CCDC171: variants seen among roughly 807,000 people sequenced by gnomAD.
CCDC171 encodes coiled-coil domain-containing protein 171.
A neutral mutation model predicts 168.2 loss-of-function variants in CCDC171; 177 were observed. That is an observed-to-expected ratio of 1.05 (90% CI 0.93 to 1.19). The LOEUF (loss-of-function observed/expected upper bound fraction) is 1.19, where lower values mean the gene tolerates loss of function less well. CCDC171 is among the 50% of genes most tolerant of loss of function. The pLI is 0.00. For synonymous variants in CCDC171, 687 were observed against 540.8 expected (o/e 1.27, Z -3.75); for missense variants, 1,991 against 1,539.0 (o/e 1.29, Z -4.91).
In CCDC171 at chr9:15,693,607, G is replaced by T. The variant is rs573797905; in HGVS notation, c.1216-1628G>T. Among the ~76,000 whole-genome samples, 10 of 152,294 alleles carry T rather than the reference G, an allele frequency of 6.6e-5. No individual in the cohort carries two copies. The South Asian group carries it at 1.9e-3, about 28-fold the overall frequency. The stretch of plus-strand genomic sequence containing the variant: ...GCTGAGATGAATGTGATAGAGAGTT[G>T]ATATAGTCAGGGAGGTAAAGAACAG... On this transcript the variant is annotated intron_variant, in intron 10 of 25. Coordinates refer to ENST00000380701, the MANE Select transcript of CCDC171 (RefSeq NM_173550.4).
intron 21 of CCDC171, among the ~76,000 whole-genome samples, chr9:15,785,244 T>A (rs2057880743): frequency 6.6e-6 from 1 of 152,172 alleles, no homozygotes; most frequent in Non-Finnish European, 1.5e-5. Context: ...ATTAATGGGT[T>A]TAAATGTTGC....
chr9:15,692,807 G>A (rs1025967657), intron 10 of CCDC171, among the ~76,000 whole-genome samples: 5 of 150,850 alleles, frequency 3.3e-5, no homozygotes, highest in African/African-American at 1.2e-4. Context: ...GATTACAGGC[G>A]TGAGCCACAG....
At chr9:15,797,085 G>T (rs1333232629) in intron 21 of CCDC171, among the ~76,000 whole-genome samples, 2 of 152,140 alleles carry the variant, frequency 1.3e-5, no homozygotes, top group African/African-American at 4.8e-5. Flanking sequence ...GTTATAATGG[G>T]TGTATATGGT....
intron 25 of CCDC171, among the ~76,000 whole-genome samples, chr9:15,963,717 C>T (rs970156968): frequency 3.3e-5 from 5 of 152,112 alleles, no homozygotes; most frequent in African/African-American, 9.7e-5. Flanking sequence ...TTATACTACT[C>T]TCTCCCCCAA....
chr9:15,717,046 A>G (rs2134121712), intron 11 of CCDC171, among the ~76,000 whole-genome samples: 1 of 152,362 alleles, frequency 6.6e-6, no homozygotes, highest in East Asian at 1.9e-4. Flanking sequence ...GAGCAGTCAC[A>G]GTACCTGTTT....
downstream of CCDC171, among the ~76,000 whole-genome samples, chr9:16,064,829 G>A (rs1248436910): frequency 6.6e-6 from 1 of 152,202 alleles, no homozygotes; most frequent in Non-Finnish European, 1.5e-5. Flanking sequence ...CTTTACGGCT[G>A]GGTCTAAGGT....
chr9:15,855,137 T>A (rs2061299720), intron 23 of CCDC171, among the ~76,000 whole-genome samples: 1 of 151,774 alleles, frequency 6.6e-6, no homozygotes, highest in South Asian at 2.1e-4. Context: ...GATTGTCTTT[T>A]GTCTGGGTGT....
At chr9:15,811,562 C>T (rs1469683506) in intron 21 of CCDC171, among the ~76,000 whole-genome samples, 1 of 152,146 alleles carries the variant, frequency 6.6e-6, no homozygotes, top group East Asian at 1.9e-4. Context: ...ATGAAAGCTG[C>T]ATATGCAATG....
At position 15,953,887 on chromosome 9, in the gene CCDC171, TGTTA is replaced by T. The variant is rs1296677863; in HGVS notation, c.3754-17715_3754-17712del. Among the ~76,000 whole-genome samples, 25 of 152,144 alleles carry T rather than the reference TGTTA, an allele frequency of 1.6e-4. No homozygotes were observed. The East Asian group carries it at 2.9e-3, about 18-fold the overall frequency. On this transcript the variant is annotated intron_variant, in intron 25 of 25. Coordinates refer to ENST00000380701, the MANE Select transcript of CCDC171 (RefSeq NM_173550.4). Reference sequence around the variant, plus strand: ...ATCTTTTCCTTTTTTTTAACTAATTTGTTAGTTAGTCCTGGTAGGTTTTATGTTT... The same window carrying T: ...ATCTTTTCCTTTTTTTTAACTAATTTGTTAGTCCTGGTAGGTTTTATGTTT...
At chr9:15,936,997 A>T (rs985735535) in intron 25 of CCDC171, among the ~76,000 whole-genome samples, 1 of 152,066 alleles carries the variant, frequency 6.6e-6, no homozygotes, top group African/African-American at 2.4e-5. Flanking sequence ...CATTAAAGGG[A>T]TAGTTAACTT....
intron 21 of CCDC171, among the ~76,000 whole-genome samples, chr9:15,799,165 T>TATATAC (rs1323969229): frequency 3.5e-5 from 5 of 141,172 alleles, no homozygotes; most frequent in African/African-American, 1.3e-4. Context: ...TATATATATA[T>TATATAC]ACCATTTTGA....
At chr9:15,925,959 A>C (rs548035568) in intron 25 of CCDC171, among the ~76,000 whole-genome samples, 2 of 151,654 alleles carry the variant, frequency 1.3e-5, no homozygotes, top group African/African-American at 4.8e-5. Context: ...TTAAGTGGAC[A>C]TTATTTGAGG....
chr9:15,558,077 A>G (rs1371972481), intron 1 of CCDC171, among the ~76,000 whole-genome samples: 1 of 152,156 alleles, frequency 6.6e-6, no homozygotes, highest in East Asian at 1.9e-4. Flanking sequence ...CTTCCATCCC[A>G]GGGATGAAGC....
chr9:15,566,717 G>A (rs1044779340), intron 2 of CCDC171, among the ~76,000 whole-genome samples: 2 of 152,118 alleles, frequency 1.3e-5, no homozygotes, highest in African/African-American at 4.8e-5. Flanking sequence ...TAGGAGTTGT[G>A]CTTTTGGTTT....
chr9:15,982,382 A>G (rs1376962202), intron 3 of CCDC171, among the ~76,000 whole-genome samples: 1 of 152,122 alleles, frequency 6.6e-6, no homozygotes, highest in Non-Finnish European at 1.5e-5. Context: ...GAGGGAGATA[A>G]TGATACCTTC....
chr9:16,098,319 A>T, the CCDC171 span, among the ~76,000 whole-genome samples: 1 of 152,204 alleles, frequency 6.6e-6, no homozygotes, highest in Non-Finnish European at 1.5e-5. Context: ...GGTCAAAACA[A>T]ATGGTCTCTA....
At chr9:15,741,914 G>A (rs1021008854) in intron 16 of CCDC171, among the ~76,000 whole-genome samples, 2 of 152,158 alleles carry the variant, frequency 1.3e-5, no homozygotes, top group Non-Finnish European at 2.9e-5. Flanking sequence ...AGGATACAGT[G>A]TCTCTATCTC....
chr9:15,587,985 G>T (rs200280423), intron 4 of CCDC171, among the ~76,000 whole-genome samples: 2 of 151,888 alleles, frequency 1.3e-5, no homozygotes, highest in East Asian at 3.9e-4. Flanking sequence ...GCCTGTAATC[G>T]CAGCACTTTG....
intron 1 of CCDC171, among the ~76,000 whole-genome samples, chr9:16,054,366 A>G (rs929994673): frequency 6.6e-6 from 1 of 152,212 alleles, no homozygotes; most frequent in Non-Finnish European, 1.5e-5. Context: ...AGGCTTCCGC[A>G]GCTGCATGGA....
Sources: gnomAD v4.1 joint callset for allele counts (sites outside exome capture counted in the v4.1 genomes callset) on GRCh38, gnomAD v4.1.1 for gene constraint, MANE v1.5 for transcripts, NCBI Gene and HGNC (gene_info 2026-07-23, HGNC 2026-07-21) for gene names.